Variants in ADAM23 observed in about 807,000 individuals in gnomAD.
ADAM23 encodes ADAM metallopeptidase domain 23, also known as disintegrin and metalloproteinase domain-containing protein 23.
A neutral mutation model predicts 120.1 loss-of-function variants in ADAM23; 33 were observed. That is an observed-to-expected ratio of 0.27 (90% CI 0.21 to 0.37). The LOEUF (loss-of-function observed/expected upper bound fraction) is 0.37. Ranked by LOEUF, ADAM23 falls within the 10% of genes least tolerant of loss-of-function variation. ADAM23 has a pLI of 1.00. For synonymous variants in ADAM23, 367 were observed against 375.2 expected, an observed-to-expected ratio of 0.98 and a Z score of 0.25; for missense variants, 862 against 1,058.2, an observed-to-expected ratio of 0.81 and a Z score of 2.57.
rs1699046850 is a variant in ADAM23, at chr2:206,621,042, A to G, written c.*3415A>G. 6.6e-6 allele frequency: 1 copy of G among 152,186 alleles called. No homozygotes were observed. The highest frequency in any genetic ancestry group is 6.5e-5 in the Admixed American group (1 of 15,278). 9.4% of individuals were successfully genotyped at this position (152,186 alleles called of 1,614,324 possible). Reference sequence around the variant, plus strand: ...GTTTGAAATTAATAAATTCATTCGTATCTTGTTGGCTGCCTATGAATGGAG... The same window carrying G: ...GTTTGAAATTAATAAATTCATTCGTGTCTTGTTGGCTGCCTATGAATGGAG... On this transcript the variant is annotated 3_prime_UTR_variant, in exon 26 of 26. Coordinates refer to ENST00000264377, the MANE Select transcript of ADAM23 (RefSeq NM_003812.4).
chr2:206,560,340 C>T (rs1697738456), intron 11 of ADAM23, among the ~76,000 whole-genome samples: 1 of 151,794 alleles, frequency 6.6e-6, no homozygotes, highest in Non-Finnish European at 1.5e-5. Context: ...TAACTTCCAT[C>T]CTCAAGATCA....
intron 23 of ADAM23, 103 bp downstream of exon 23, chr2:206,595,008 C>T (rs1275497274): frequency 6.9e-7 from 1 of 1,455,576 alleles, no homozygotes; most frequent in Non-Finnish European, 9.3e-7. Context: ...TGGTGAAACA[C>T]CATCTCTACT....
intron 22 of ADAM23, 109 bp from the exon 23 acceptor site, chr2:206,594,628 A>G (rs1250159571): frequency 8.0e-7 from 1 of 1,249,228 alleles, no homozygotes; most frequent in Non-Finnish European, 1.1e-6. Context: ...GCTAGGAGAA[A>G]TCCACATCCA....
intron 3 of ADAM23, among the ~76,000 whole-genome samples, chr2:206,514,627 G>A (rs988082558): frequency 1.3e-5 from 2 of 152,210 alleles, no homozygotes; most frequent in African/African-American, 4.8e-5. Context: ...TGAGAGGATT[G>A]ACTCCAATTT....
At chr2:206,526,054 T>C (rs1442318791) in intron 3 of ADAM23, among the ~76,000 whole-genome samples, 2 of 152,104 alleles carry the variant, frequency 1.3e-5, no homozygotes, top group Admixed American at 6.6e-5. Context: ...ATGGAAGATA[T>C]AAACTTTTGG....
At chr2:206,613,490 C>T (rs1698875161) in intron 25 of ADAM23, among the ~76,000 whole-genome samples, 1 of 152,212 alleles carries the variant, frequency 6.6e-6, no homozygotes, top group Non-Finnish European at 1.5e-5. Context: ...GCATGTGGCA[C>T]ACCAATTTGC....
At chr2:206,550,211 G>T in intron 9 of ADAM23, 51 bp downstream of exon 9, 4 of 1,147,822 alleles carry the variant, frequency 3.5e-6, no homozygotes, top group South Asian at 3.3e-5. Flanking sequence ...ACTTAAGAAA[G>T]AATACATTTT....
chr2:206,518,615 T>C (rs1696780951), intron 3 of ADAM23, among the ~76,000 whole-genome samples: 1 of 152,222 alleles, frequency 6.6e-6, no homozygotes, highest in Non-Finnish European at 1.5e-5. Context: ...TTGGTGTTAA[T>C]GCAACTGTGG....
At position 206,543,258 on chromosome 2, in the gene ADAM23, T is replaced by C. The variant is rs762635513; in HGVS notation, c.662T>C (p.Met221Thr). The C allele has an allele frequency of 4.3e-6, 7 of 1,613,998 alleles. No individual in the cohort carries two copies. Among genetic ancestry groups the C allele is most frequent in the South Asian group, 1.1e-5 (1 of 91,068 alleles). The change falls in exon 6 of 26, where the codon ATG (methionine) becomes ACG (threonine). Residue 221 changes from methionine (M) to threonine (T), a missense_variant. Physicochemically the swap from Met to Thr is moderately conservative, Grantham distance 81. This residue lies in a region of ADAM23 where 617 missense variants were observed against 813.5 expected (regional missense o/e 0.76). Coordinates refer to ENST00000264377, the MANE Select transcript of ADAM23 (RefSeq NM_003812.4). Reference protein sequence around the residue: ...ALSTCNGLHGMFEDDTFVYMI... With the variant: ...ALSTCNGLHGTFEDDTFVYMI... ...TGTGGTTTCTTTTGTGCTAGTGGCATGTTTGAAGATGATACCTTCGTGTAT... is the reference window on the plus strand; with the variant it reads ...TGTGGTTTCTTTTGTGCTAGTGGCACGTTTGAAGATGATACCTTCGTGTAT...
chr2:206,587,239 C>A, intron 18 of ADAM23, 86 bp from the exon 19 acceptor site: 1 of 906,024 alleles, frequency 1.1e-6, no homozygotes, highest in Non-Finnish European at 1.7e-6. Context: ...TATATATATC[C>A]ACCATGCTTG....
rs982660556 is a variant in ADAM23, at chr2:206,521,645, C to A, written c.510-9240C>A. ...TGAATGTATGTATATAAACATACTT[C>A]TAAAAAGTTGCCAAGCATAGTATTC... On this transcript the variant is annotated intron_variant, in intron 3 of 25. Coordinates refer to ENST00000264377, the MANE Select transcript of ADAM23 (RefSeq NM_003812.4). Among the ~76,000 whole-genome samples the A allele has an allele frequency of 2.6e-5, 4 of 152,266 alleles. No homozygotes were observed. In the East Asian group the frequency reaches 7.7e-4, roughly 29 times the overall value.
In ADAM23 at chr2:206,559,097, A is replaced by G. The variant is rs1437481522; in HGVS notation, c.1006-858A>G. Reference sequence around the variant, plus strand: ...GTAGCTGGGACTACAGGCGCCCACCATCACACTTGGCTAATTTTTTGTATT... The same window carrying G: ...GTAGCTGGGACTACAGGCGCCCACCGTCACACTTGGCTAATTTTTTGTATT... On this transcript the variant is annotated intron_variant, in intron 10 of 25. Transcript: ENST00000264377. Among the ~76,000 whole-genome samples, 3 of 151,968 alleles carry G rather than the reference A, an allele frequency of 2.0e-5. No homozygotes were observed. The South Asian group carries it at 6.3e-4, about 32-fold the overall frequency.
At chr2:206,523,716 A>G (rs528898154) in intron 3 of ADAM23, among the ~76,000 whole-genome samples, 2 of 152,260 alleles carry the variant, frequency 1.3e-5, no homozygotes, top group African/African-American at 4.8e-5. Flanking sequence ...GAAATATAAG[A>G]GCAAGCATAA....
intron 2 of ADAM23, among the ~76,000 whole-genome samples, chr2:206,472,614 G>GC (rs746571394): frequency 1.5e-5 from 1 of 68,902 alleles, no homozygotes; most frequent in Non-Finnish European, 2.9e-5. Context: ...CCATCTCAGG[G>GC]GAAAAAAAAA....
intron 3 of ADAM23, among the ~76,000 whole-genome samples, chr2:206,528,165 T>C (rs1189814461): frequency 2.0e-5 from 3 of 152,178 alleles, no homozygotes; most frequent in Non-Finnish European, 2.9e-5. Flanking sequence ...AGAGACACAG[T>C]TGGAATGTAG....
intron 2 of ADAM23, among the ~76,000 whole-genome samples, chr2:206,478,418 T>C (rs993304387): frequency 6.6e-6 from 1 of 152,172 alleles, no homozygotes; most frequent in East Asian, 1.9e-4. Flanking sequence ...GTTTTTTTTT[T>C]CCTATGGATA....
chr2:206,572,647 A>G (rs1698027774), intron 17 of ADAM23, among the ~76,000 whole-genome samples: 1 of 152,206 alleles, frequency 6.6e-6, no homozygotes. Flanking sequence ...TGGCATTACT[A>G]AAGGTAATTC....
At chr2:206,539,008 A>G (rs1405924968) in intron 4 of ADAM23, among the ~76,000 whole-genome samples, 2 of 152,134 alleles carry the variant, frequency 1.3e-5, no homozygotes, top group African/African-American at 4.8e-5. Flanking sequence ...ATCCCCAGCC[A>G]TTTCTGGTTA....
chr2:206,596,780 C>A (rs34932824), intron 24 of ADAM23, among the ~76,000 whole-genome samples: 13,938 of 152,098 alleles, frequency 0.092, 688 homozygotes, highest in Middle Eastern at 0.12. Context: ...AAGGCCCAGA[C>A]CCTGAGGTCA....
Sources: gnomAD v4.1 joint callset for allele counts (sites outside exome capture counted in the v4.1 genomes callset) on GRCh38, gnomAD v4.1.1 for gene constraint, gnomAD v4.1.1 regional missense constraint, MANE v1.5 for transcripts, NCBI Gene and HGNC (gene_info 2026-07-23, HGNC 2026-07-21) for gene names.